The following SGCZ variants were observed in gnomAD, a reference collection of about 807,000 sequenced individuals.
SGCZ encodes the protein sarcoglycan zeta.
In SGCZ, 40 loss-of-function variants were observed where a neutral mutation model predicts 41.3. The observed-to-expected ratio is 0.97, with a 90% CI of 0.75 to 1.26. The LOEUF (loss-of-function observed/expected upper bound fraction) is 1.26, where lower values mean the gene tolerates loss of function less well. SGCZ is among the 50% of genes most tolerant of loss of function. The probability of loss-of-function intolerance (pLI) is 0.00; values close to 1 mark genes in which losing one functional copy is unlikely to be tolerated. For synonymous variants in SGCZ, 206 were observed against 137.5 expected (o/e 1.50, Z -3.49); for missense variants, 552 against 369.8 (o/e 1.49, Z -4.04).
chr8:14,229,000 G>T (rs12547581), intron 4 of SGCZ, among the ~76,000 whole-genome samples: 4 of 151,898 alleles, frequency 2.6e-5, no homozygotes, highest in Non-Finnish European at 5.9e-5. Context: ...TTGTAGAACT[G>T]CAGTGATTGA....
At chr8:14,648,618 C>T (rs762467238) in intron 1 of SGCZ, among the ~76,000 whole-genome samples, 7 of 151,868 alleles carry the variant, frequency 4.6e-5, no homozygotes, top group Non-Finnish European at 8.8e-5. Flanking sequence ...TTTCATTTTC[C>T]ATTATATTTA....
rs560972760 is a variant in SGCZ, at chr8:14,116,830, C to T, written c.548-8595G>A. The stretch of plus-strand genomic sequence containing the variant: ...AAGAAATGGCACGTTTCTCCAGAAC[C>T]AATGTCTGGTTTCCTTAATAATGAA... On this transcript the variant is annotated intron_variant, in intron 5 of 7. Coordinates refer to ENST00000382080, the MANE Select transcript of SGCZ (RefSeq NM_139167.4). 4.4e-4 allele frequency among the ~76,000 whole-genome samples: 67 copies of T among 152,152 alleles called. 1 individual carries two copies. The highest frequency in any genetic ancestry group is 1.5e-3 in the African/African-American group (63 of 41,530).
At chr8:14,570,275 C>T (rs1223409870) in intron 1 of SGCZ, among the ~76,000 whole-genome samples, 1 of 152,092 alleles carries the variant, frequency 6.6e-6, no homozygotes, top group African/African-American at 2.4e-5. Flanking sequence ...AGCAGGTATT[C>T]AGTAAGTTCT....
At chr8:14,959,947 C>G (rs1323687544) in intron 1 of SGCZ, among the ~76,000 whole-genome samples, 1 of 152,142 alleles carries the variant, frequency 6.6e-6, no homozygotes, top group Non-Finnish European at 1.5e-5. Flanking sequence ...TGGGGCTGAG[C>G]AACCAATCAA....
At chr8:14,279,594 G>A (rs1035776272) in intron 3 of SGCZ, among the ~76,000 whole-genome samples, 1 of 151,934 alleles carries the variant, frequency 6.6e-6, no homozygotes, top group African/African-American at 2.4e-5. Flanking sequence ...AAGTGAAGAT[G>A]CACCAAGAAT....
chr8:14,540,885 A>C (rs868469239), intron 2 of SGCZ, among the ~76,000 whole-genome samples: 3 of 151,768 alleles, frequency 2.0e-5, no homozygotes, highest in Non-Finnish European at 4.4e-5. Flanking sequence ...AGAAATATTT[A>C]TATTTGCCTT....
intron 3 of SGCZ, among the ~76,000 whole-genome samples, chr8:14,264,448 C>T (rs1161498093): frequency 6.6e-6 from 1 of 152,112 alleles, no homozygotes; most frequent in East Asian, 1.9e-4. Context: ...ACCCACATGC[C>T]AGATTTCCCT....
chr8:14,482,220 C>A (rs1801553644), intron 2 of SGCZ, among the ~76,000 whole-genome samples: 1 of 152,162 alleles, frequency 6.6e-6, no homozygotes, highest in Admixed American at 6.5e-5. Flanking sequence ...CCAGGGTAAC[C>A]ACCTTGAGCT....
intron 2 of SGCZ, among the ~76,000 whole-genome samples, chr8:14,537,331 A>C (rs943004587): frequency 3.3e-5 from 5 of 151,900 alleles, no homozygotes; most frequent in Non-Finnish European, 7.4e-5. Context: ...ATCTCTGTCT[A>C]AATATGACAA....
intron 1 of SGCZ, among the ~76,000 whole-genome samples, chr8:14,638,883 G>C (rs541267007): frequency 6.6e-6 from 1 of 151,610 alleles, no homozygotes; most frequent in Non-Finnish European, 1.5e-5. Flanking sequence ...ATCATGTGTG[G>C]CATTCATCAA....
chr8:14,265,679 C>G (rs1385647507), intron 3 of SGCZ, among the ~76,000 whole-genome samples: 1 of 149,590 alleles, frequency 6.7e-6, no homozygotes, highest in Non-Finnish European at 1.5e-5. Context: ...TTTCCCTAAA[C>G]AGTAAAAAGG....
chr8:15,182,170 A>G (rs1800198747), intron 1 of SGCZ, among the ~76,000 whole-genome samples: 1 of 152,224 alleles, frequency 6.6e-6, no homozygotes, highest in African/African-American at 2.4e-5. Context: ...TGTACCTGAT[A>G]TTTCACAAAT....
chr8:14,094,299 C>T (rs145917947), intron 7 of SGCZ, among the ~76,000 whole-genome samples: 1 of 151,956 alleles, frequency 6.6e-6, no homozygotes, highest in Non-Finnish European at 1.5e-5. Flanking sequence ...CTAGCCCCCC[C>T]ATGCCAGAGA....
intron 3 of SGCZ, among the ~76,000 whole-genome samples, chr8:14,246,877 T>C (rs1245778928): frequency 8.2e-6 from 1 of 122,040 alleles, no homozygotes; most frequent in African/African-American, 3.2e-5. Context: ...GCCACTGCAC[T>C]CCAGCCTGGG....
At chr8:14,410,945 T>C (rs1394010487) in intron 2 of SGCZ, among the ~76,000 whole-genome samples, 1 of 152,152 alleles carries the variant, frequency 6.6e-6, no homozygotes, top group African/African-American at 2.4e-5. Flanking sequence ...TAAATTTTCT[T>C]CAACGTTTTT....
intron 5 of SGCZ, among the ~76,000 whole-genome samples, chr8:14,163,432 T>C (rs1804108203): frequency 6.6e-6 from 1 of 152,210 alleles, no homozygotes; most frequent in Non-Finnish European, 1.5e-5. Context: ...TTTGGCTTTC[T>C]ATTCCTGCAT....
chr8:14,677,322 A>C (rs371267317), intron 1 of SGCZ, among the ~76,000 whole-genome samples: 55 of 152,246 alleles, frequency 3.6e-4, no homozygotes, highest in African/African-American at 1.3e-3. Flanking sequence ...AAAATGAAGA[A>C]ATATTTCATG....
intron 1 of SGCZ, among the ~76,000 whole-genome samples, chr8:15,001,745 A>T (rs1159146723): frequency 3.3e-5 from 5 of 151,118 alleles, no homozygotes; most frequent in Admixed American, 2.0e-4. Flanking sequence ...AAAAAAAAAA[A>T]AAAAAAGAGA....
In SGCZ at chr8:14,952,572, C is replaced by T. The variant is rs530593193; in HGVS notation, c.39+285013G>A. On this transcript the variant is annotated intron_variant, in intron 1 of 7. Coordinates refer to ENST00000382080, the MANE Select transcript of SGCZ (RefSeq NM_139167.4). ...TGTTTTTCACATTTTTATCCTCACC[C>T]TCTAGCAAATAATACAATGATTTTG... 2.6e-5 allele frequency among the ~76,000 whole-genome samples: 4 copies of T among 152,240 alleles called. No individual in the cohort carries two copies. The East Asian group carries it at 5.8e-4, about 22-fold the overall frequency.
Sources: allele counts gnomAD v4.1 joint callset (sites outside exome capture counted in the v4.1 genomes callset), GRCh38; gene constraint gnomAD v4.1.1; transcripts MANE v1.5; gene names NCBI Gene and HGNC (gene_info 2026-07-23, HGNC 2026-07-21).